The following ARID1B variants were observed in gnomAD, a reference collection of about 807,000 sequenced individuals.
ARID1B encodes AT-rich interactive domain-containing protein 1B.
A neutral mutation model predicts 212.3 loss-of-function variants in ARID1B; 30 were observed. The observed-to-expected ratio is 0.14, with a 90% CI of 0.11 to 0.19. ARID1B has a LOEUF of 0.19. Ranked by LOEUF, ARID1B falls within the 10% of genes least tolerant of loss-of-function variation. The pLI is 1.00. For missense variants in ARID1B, 2,891 were observed against 3,204.0 expected (o/e 0.90, Z 2.36); for synonymous variants, 1,402 against 1,301.7 (o/e 1.08, Z -1.66).
rs1562542228 is a variant in ARID1B at position 157,004,897 on chromosome 6, C to CTTTTTTGTTTTTTTTTTTTTTTTTT, written c.2247+69327_2247+69328insGTTTTTTTTTTTTTTTTTTTTTTTT. Among the ~76,000 whole-genome samples the CTTTTTTGTTTTTTTTTTTTTTTTTT allele has an allele frequency of 3.7e-4, 20 of 54,724 alleles. 3 individuals are homozygous for CTTTTTTGTTTTTTTTTTTTTTTTTT. The highest frequency in any genetic ancestry group is 9.2e-4 in the Admixed American group (4 of 4,366). 35.9% of individuals were successfully genotyped at this position (54,724 alleles called of 152,430 possible). A position where few individuals can be genotyped will look rare whatever the true frequency, so the allele number is the denominator to read the frequency against. On this transcript the variant is annotated intron_variant, in intron 4 of 19. Coordinates refer to ENST00000636930, the MANE Select transcript of ARID1B (RefSeq NM_001374828.1). ...TTTTTTCTTTTTCTTCTTCTTTTTT[C>CTTTTTTGTTTTTTTTTTTTTTTTTT]TTTTTTTTTTTTTTTTTTTTTTTTT...
intron 4 of ARID1B, among the ~76,000 whole-genome samples, chr6:156,956,301 C>A (rs1021198137): frequency 6.6e-6 from 1 of 152,112 alleles, no homozygotes; most frequent in Non-Finnish European, 1.5e-5. Flanking sequence ...CTGCTTCTTA[C>A]CCCCACCCTT....
chr6:156,792,962 GA>G (rs1301696766), intron 1 of ARID1B, among the ~76,000 whole-genome samples: 43 of 151,494 alleles, frequency 2.8e-4, no homozygotes, highest in African/African-American at 2.4e-5. Context: ...TGAGGACAAT[GA>G]AAAAAAAATT....
chr6:156,959,114 A>G (rs1387685142), intron 4 of ARID1B, among the ~76,000 whole-genome samples: 2 of 152,202 alleles, frequency 1.3e-5, no homozygotes, highest in Non-Finnish European at 2.9e-5. Context: ...GTTTTCCTCT[A>G]TTGGGAAGAC....
rs142956583 is a variant in ARID1B at position 157,207,696 on chromosome 6, G to A, written c.6924G>A (p.Pro2308=). Residue 2308 remains proline, a synonymous_variant, in exon 20 of 20, where the codon CCG becomes CCA. Transcript: ENST00000636930. The surrounding 1 kb of genome is among the most constrained non-coding windows in gnomAD (Gnocchi z 8.5). ...ACAACCTCATGCACATGCAGCCCCC[G>A]CCCCTGGAACCACCTAGCGTAGACA... ...SQHNLMHMQP[P]PLEPPSVDMM... 1.3e-5 allele frequency: 21 copies of A among 1,608,670 alleles called. No individual in the cohort carries two copies. The highest frequency in any genetic ancestry group is 1.2e-4 in the South Asian group (11 of 90,952).
chr6:156,960,213 G>A (rs181283146), intron 4 of ARID1B, among the ~76,000 whole-genome samples: 3 of 152,202 alleles, frequency 2.0e-5, no homozygotes, highest in South Asian at 4.1e-4. Context: ...ACAGGCATGA[G>A]CCACCACGCC....
chr6:156,808,227 T>C (rs1321448711), intron 1 of ARID1B, among the ~76,000 whole-genome samples: 2 of 152,218 alleles, frequency 1.3e-5, no homozygotes, highest in Non-Finnish European at 2.9e-5. Context: ...TTTCCCGAAG[T>C]TATTTGCATT....
chr6:156,953,321 G>A (rs551661378), intron 4 of ARID1B, among the ~76,000 whole-genome samples: 19 of 152,288 alleles, frequency 1.2e-4, no homozygotes, highest in Non-Finnish European at 2.6e-4. Context: ...TTTGACAAAC[G>A]CCAGAGTTTC....
chr6:156,803,423 C>T (rs756581098), intron 1 of ARID1B, among the ~76,000 whole-genome samples: 1 of 152,108 alleles, frequency 6.6e-6, no homozygotes, highest in Non-Finnish European at 1.5e-5. Context: ...CCTTTCCTTT[C>T]GTTTCAGTGT....
intron 3 of ARID1B, among the ~76,000 whole-genome samples, chr6:156,904,813 A>G (rs1198374922): frequency 6.6e-6 from 1 of 152,250 alleles, no homozygotes; most frequent in Non-Finnish European, 1.5e-5. Context: ...TGTTTCAGTC[A>G]CACAAGTATT....
intron 4 of ARID1B, among the ~76,000 whole-genome samples, chr6:156,988,383 G>A (rs1017123090): frequency 2.6e-5 from 4 of 152,152 alleles, no homozygotes; most frequent in Non-Finnish European, 4.4e-5. Flanking sequence ...TGTGGTGCCT[G>A]CAGCCTGCCA....
At chr6:156,820,866 G>A (rs1270966856) in intron 1 of ARID1B, among the ~76,000 whole-genome samples, 3 of 152,194 alleles carry the variant, frequency 2.0e-5, no homozygotes, top group Non-Finnish European at 4.4e-5. Flanking sequence ...TGAAGGAATG[G>A]GAGGTTTCCT....
chr6:157,131,923 T>C (rs1788576981), intron 6 of ARID1B, among the ~76,000 whole-genome samples: 1 of 152,170 alleles, frequency 6.6e-6, no homozygotes, highest in Non-Finnish European at 1.5e-5. Flanking sequence ...ACTCCTGTCC[T>C]CGTGATCCAC....
intron 6 of ARID1B, among the ~76,000 whole-genome samples, chr6:157,115,370 C>G (rs1174107701): frequency 8.5e-5 from 13 of 152,298 alleles, no homozygotes; most frequent in African/African-American, 2.9e-4. Flanking sequence ...TCTACATCTT[C>G]TGTTTTCCAG....
chr6:157,018,057 A>T (rs1276549423), intron 4 of ARID1B, among the ~76,000 whole-genome samples: 2 of 151,702 alleles, frequency 1.3e-5, no homozygotes, highest in Non-Finnish European at 2.9e-5. Context: ...GGTTGAGCCC[A>T]GGAGGTTGAG....
At chr6:156,885,770 T>C (rs534706358) in intron 2 of ARID1B, among the ~76,000 whole-genome samples, 2 of 152,376 alleles carry the variant, frequency 1.3e-5, no homozygotes, top group East Asian at 3.9e-4. Flanking sequence ...AGTTCCTGTT[T>C]CTTGCCCAGT....
At chr6:157,013,131 G>A (rs1207046182) in intron 4 of ARID1B, among the ~76,000 whole-genome samples, 16 of 152,300 alleles carry the variant, frequency 1.1e-4, no homozygotes, top group African/African-American at 3.1e-4. Flanking sequence ...CGCCCGCCTC[G>A]GCCTCCCAAA....
intron 4 of ARID1B, among the ~76,000 whole-genome samples, chr6:157,010,426 G>C (rs563340733): frequency 6.6e-6 from 1 of 151,680 alleles, no homozygotes; most frequent in Non-Finnish European, 1.5e-5. Context: ...AGGTTCAAGC[G>C]ATTCTTCTGC....
intron 4 of ARID1B, chr6:156,937,613 G>A (rs1453157164): frequency 1.3e-5 from 2 of 152,198 alleles, no homozygotes; most frequent in Non-Finnish European, 2.9e-5. Context: ...TGTTATTAGG[G>A]ATGGCATGAA....
rs190373771 is a variant in ARID1B, at chr6:157,085,044, A to C, written c.2491+139A>C. ...AGTATAACTGAATTCTCACCAAGGCATACGAGAGTCCCAGTTCCTAAAGAT... is the reference window on the plus strand; with the variant it reads ...AGTATAACTGAATTCTCACCAAGGCCTACGAGAGTCCCAGTTCCTAAAGAT... On this transcript the variant is annotated intron_variant, in intron 5 of 19. Transcript: ENST00000636930. 1.7e-4 allele frequency: 184 copies of C among 1,098,198 alleles called. No individual in the cohort carries two copies. The African/African-American group carries it at 2.8e-3, about 16-fold the overall frequency. 68.0% of individuals were successfully genotyped at this position (1,098,198 alleles called of 1,614,324 possible). A position where few individuals can be genotyped will look rare whatever the true frequency, so the allele number is the denominator to read the frequency against.
Sources: gnomAD v4.1 joint callset for allele counts (sites outside exome capture counted in the v4.1 genomes callset) on GRCh38, gnomAD v4.1.1 for gene constraint, Gnocchi (gnomAD v3.1) non-coding constraint, MANE v1.5 for transcripts, NCBI Gene and HGNC (gene_info 2026-07-23, HGNC 2026-07-21) for gene names.